Variants in FAT1 observed in about 807,000 individuals in gnomAD.
FAT1 encodes protocadherin Fat 1.
A neutral mutation model predicts 329.8 loss-of-function variants in FAT1; 171 were observed. The ratio of observed to expected loss-of-function variants is 0.52; its 90% CI spans 0.46 to 0.59. The LOEUF is 0.59. Ranked by LOEUF, FAT1 falls within the 20% of genes least tolerant of loss-of-function variation. The pLI is 0.00. For synonymous variants in FAT1, 2,233 were observed against 2,228.6 expected, an observed-to-expected ratio of 1.00 and a Z score of -0.06; for missense variants, 5,672 against 5,774.4, an observed-to-expected ratio of 0.98 and a Z score of 0.57.
rs76728463 is a variant in FAT1, at chr4:186,590,162, T to C, written c.13139-942A>G. The stretch of plus-strand genomic sequence containing the variant: ...CAATTTTGGAATAGTTTTTTTTTTT[T>C]CCTCCTTAGGATTTAAAAAATCCTT... On this transcript the variant is annotated intron_variant, in intron 26 of 26. Transcript: ENST00000441802. 6.6e-3 allele frequency among the ~76,000 whole-genome samples: 1,000 copies of C among 151,690 alleles called. 10 individuals carry two copies. The highest frequency in any genetic ancestry group is 0.023 in the African/African-American group (957 of 41,404).
At chr4:186,624,812 A>G (rs1740221104) in intron 9 of FAT1, among the ~76,000 whole-genome samples, 1 of 152,220 alleles carries the variant, frequency 6.6e-6, no homozygotes, top group South Asian at 2.1e-4. Context: ...TTGTATGAAC[A>G]TTTTATAGTT....
chr4:186,604,288 T>C, intron 18 of FAT1, 89 bp downstream of exon 18: 1 of 1,104,640 alleles, frequency 9.1e-7, no homozygotes, highest in Non-Finnish European at 1.3e-6. Context: ...TTGTATGAAA[T>C]GTAAGCTGTT....
intron 7 of FAT1, among the ~76,000 whole-genome samples, chr4:186,629,262 A>C (rs1024326887): frequency 3.9e-5 from 6 of 152,302 alleles, no homozygotes; most frequent in Non-Finnish European, 8.8e-5. Context: ...TTAATACGTA[A>C]AAAGAAAAAA....
rs756591860 is a variant in FAT1 at position 186,609,151 on chromosome 4, G to A, written c.10206+32C>T. 1.9e-6 allele frequency: 3 copies of A among 1,604,780 alleles called. No individual in the cohort carries two copies. The South Asian group carries it at 3.3e-5, about 18-fold the overall frequency. On this transcript the variant is annotated intron_variant, in intron 16 of 26. Transcript: ENST00000441802. ...TTTCTAGTTATTGATGTGGTGATTT[G>A]TAAACAACGTAAATCAACCTTTTTC...
In FAT1 at chr4:186,628,235, C is replaced by G. The variant is rs770326537; in HGVS notation, c.4729G>C (p.Val1577Leu). The change falls in exon 9 of 27, where the codon GTT (valine) becomes CTT (leucine). Residue 1577 changes from valine to leucine, a missense_variant. Around this residue, in one of 2 missense-constraint regions of FAT1, gnomAD observed 3,966 missense variants for 3,915.2 expected, o/e 1.01. Coordinates refer to ENST00000441802, the MANE Select transcript of FAT1 (RefSeq NM_005245.4). ...GTCACCTGCAACACAACTGAGCCAA[C>G]GGCTGCCGATTCATAAACCCGCCCT... ...YKGRVYESAA[V>L]GSVVLQVTAL... is the part of the protein sequence containing the mutation. 1.9e-6 allele frequency: 3 copies of G among 1,613,806 alleles called. No homozygotes were observed. The highest frequency in any genetic ancestry group is 2.5e-6 in the Non-Finnish European group (3 of 1,179,874).
rs2126693215 is a variant in FAT1, at chr4:186,708,024, C to A, written c.1804G>T (p.Val602Leu). 6.2e-7 allele frequency: 1 copy of A among 1,613,928 alleles called. No homozygotes were observed. The highest frequency in any genetic ancestry group is 1.1e-5 in the South Asian group (1 of 91,078). Reference protein sequence around the residue: ...SAIDADELQLVQYQIEAGNEL... With the variant: ...SAIDADELQLLQYQIEAGNEL... ...TTTCCAGCTTCAATCTGATACTGTACCAACTGAAGTTCATCTGCATCAATA... is the reference window on the plus strand; with the variant it reads ...TTTCCAGCTTCAATCTGATACTGTAACAACTGAAGTTCATCTGCATCAATA... The change falls in exon 2 of 27, where the codon GTA (valine) becomes TTA (leucine). Residue 602 changes from valine to leucine, a missense_variant. By Grantham distance (32) the Val-to-Leu change is conservative. Transcript: ENST00000441802.
At position 186,601,187 on chromosome 4, in the gene FAT1, T is replaced by G; in HGVS notation, c.11640+82A>C. On this transcript the variant is annotated intron_variant, in intron 21 of 26. Transcript: ENST00000441802. The stretch of plus-strand genomic sequence containing the variant: ...ACCATTTCACTTACTTTATTATCTG[T>G]GCAAATTAACAATCTGAATATAAAA... 7.1e-6 allele frequency: 9 copies of G among 1,262,768 alleles called. No individual in the cohort carries two copies. In the South Asian group the frequency reaches 1.5e-4, roughly 21 times the overall value. 78.2% of individuals were successfully genotyped at this position (1,262,768 alleles called of 1,614,324 possible). A position where few individuals can be genotyped will look rare whatever the true frequency, so the allele number is the denominator to read the frequency against.
At chr4:186,633,616 G>T (rs1356239317) in intron 7 of FAT1, 68 bp downstream of exon 7, 9 of 1,572,482 alleles carry the variant, frequency 5.7e-6, no homozygotes, top group Non-Finnish European at 7.9e-6. Context: ...CATATTGCCC[G>T]TGGACCCCTA....
intron 2 of FAT1, among the ~76,000 whole-genome samples, chr4:186,684,437 G>A (rs541061185): frequency 6.6e-6 from 1 of 152,218 alleles, no homozygotes; most frequent in African/African-American, 2.4e-5. Flanking sequence ...GTCGGCTCTC[G>A]TAGGAGACGT....
intron 12 of FAT1, 109 bp from the exon 13 acceptor site, chr4:186,613,451 G>T: frequency 1.2e-6 from 1 of 807,422 alleles, no homozygotes; most frequent in African/African-American, 1.7e-5. Context: ...AGTATTCACA[G>T]CCTTCCTCTT....
intron 3 of FAT1, among the ~76,000 whole-genome samples, chr4:186,650,864 C>T (rs990976376): frequency 6.6e-6 from 1 of 152,052 alleles, no homozygotes. Context: ...TGAAAGAGAG[C>T]TTGCTCTGAG....
In FAT1 at chr4:186,633,679, C is replaced by T. The variant is rs1360884697; in HGVS notation, c.4323+5G>A. ...TGACAAGTGTGTCATTAGTAATTCA[C>T]TTACCTGAGTGAGGATAGTGGTGGT... On this transcript the variant is annotated splice_donor_5th_base_variant and intron_variant, in intron 7 of 26. Coordinates refer to ENST00000441802, the MANE Select transcript of FAT1 (RefSeq NM_005245.4). 1 of 1,613,872 alleles carries T rather than the reference C, an allele frequency of 6.2e-7. No individual in the cohort carries two copies. The highest frequency in any genetic ancestry group is 8.5e-7 in the Non-Finnish European group (1 of 1,179,832).
rs749856281 is a variant in FAT1, at chr4:186,601,415, T to C, written c.11494A>G (p.Met3832Val). The C allele has an allele frequency of 1.6e-5, 26 of 1,611,946 alleles. 1 individual carries two copies. The highest frequency in any genetic ancestry group is 1.2e-4 in the Admixed American group (7 of 59,964). Residue 3832 changes from methionine (M) to valine (V), a missense_variant, in exon 21 of 27, where the codon ATG becomes GTG. Around this residue, in one of 2 missense-constraint regions of FAT1, gnomAD observed 1,706 missense variants for 1,859.1 expected, o/e 0.92. Transcript: ENST00000441802. ...ACGTAGCTGTTTCCAGTCAGTGTCA[T>C]AGATGAACTCCCTGTGAATCACACA... ...RFGQCPGSSS[M>V]TLTGNSYVKY...
chr4:186,680,301 C>T (rs575759870), intron 2 of FAT1, among the ~76,000 whole-genome samples: 2 of 152,302 alleles, frequency 1.3e-5, no homozygotes, highest in East Asian at 3.9e-4. Context: ...GCTAAGCCAT[C>T]CTATTATGTT....
intron 2 of FAT1, among the ~76,000 whole-genome samples, chr4:186,675,115 A>G (rs2126637020): frequency 6.6e-6 from 1 of 152,338 alleles, no homozygotes; most frequent in South Asian, 2.1e-4. Flanking sequence ...ATGGCATTAT[A>G]CTAACAATAC....
At chr4:186,610,220 CATG>C (rs1397080428) in intron 14 of FAT1, 8 of 559,466 alleles carry the variant, frequency 1.4e-5, no homozygotes, top group African/African-American at 9.4e-5. Flanking sequence ...TCTTAATTTT[CATG>C]ATATTCTTCA....
At chr4:186,714,179 G>C (rs545231416) in intron 1 of FAT1, among the ~76,000 whole-genome samples, 1 of 152,316 alleles carries the variant, frequency 6.6e-6, no homozygotes, top group African/African-American at 2.4e-5. Flanking sequence ...AGCAGTCAGA[G>C]GCTGCAGCCA....
At chr4:186,599,349 T>C (rs1200265139) in intron 22 of FAT1, among the ~76,000 whole-genome samples, 1 of 152,150 alleles carries the variant, frequency 6.6e-6, no homozygotes, top group Non-Finnish European at 1.5e-5. Context: ...AACTGTACCC[T>C]ATTATTGGTA....
intron 26 of FAT1, among the ~76,000 whole-genome samples, chr4:186,593,082 T>A (rs1346445987): frequency 3.3e-5 from 5 of 152,202 alleles, no homozygotes; most frequent in Non-Finnish European, 5.9e-5. Context: ...TATTTTAACA[T>A]CTTACAGGCA....
Sources: allele counts gnomAD v4.1 joint callset (sites outside exome capture counted in the v4.1 genomes callset), GRCh38; gene constraint gnomAD v4.1.1; regional missense constraint gnomAD v4.1.1; transcripts MANE v1.5; gene names NCBI Gene and HGNC (gene_info 2026-07-23, HGNC 2026-07-21).